REPS2: variants seen among roughly 807,000 people sequenced by gnomAD.
REPS2 encodes RALBP1 associated Eps domain containing 2.
In REPS2, 23 loss-of-function variants were observed where a neutral mutation model predicts 53.6. That is an observed-to-expected ratio of 0.43 (90% confidence interval 0.31 to 0.61). The LOEUF is 0.61. REPS2 is among the 20% of genes least tolerant of loss of function. The probability of loss-of-function intolerance (pLI) is 0.11; values close to 1 mark genes in which losing one functional copy is unlikely to be tolerated. For missense variants in REPS2, 446 were observed against 534.9 expected (o/e 0.83, Z 1.64); for synonymous variants, 238 against 218.6 (o/e 1.09, Z -0.78).
rs1463291706 is a variant in REPS2, at chrX:17,037,168, CCTTAACTTTTGAGGAAGGATTTCTAGCT to C, written c.771+7557_771+7584del. Among the ~76,000 whole-genome samples, 39 of 111,434 alleles carry C rather than the reference CCTTAACTTTTGAGGAAGGATTTCTAGCT, an allele frequency of 3.5e-4. 1 individual carries two copies. The highest frequency in any genetic ancestry group is 1.3e-4 in the Non-Finnish European group (7 of 53,122). On this transcript the variant is annotated intron_variant, in intron 5 of 17. Transcript: ENST00000357277. ...GTAGTTCTCTTTCTGATTTTCTAGCCCTTAACTTTTGAGGAAGGATTTCTAGCTCTTAACTTTTGGGGAAGGAAACATT... is the reference window on the plus strand; with the variant it reads ...GTAGTTCTCTTTCTGATTTTCTAGCCCTTAACTTTTGGGGAAGGAAACATT...
chrX:17,048,219 C>T (rs956822596), intron 6 of REPS2, among the ~76,000 whole-genome samples: 4 of 112,359 alleles, frequency 3.6e-5, no homozygotes, highest in African/African-American at 1.3e-4. Context: ...GAAGTGTGGG[C>T]AAAGATTAGT....
intron 11 of REPS2, among the ~76,000 whole-genome samples, chrX:17,070,555 T>C (rs2062291055): frequency 8.9e-6 from 1 of 112,118 alleles, no homozygotes; most frequent in South Asian, 3.7e-4. Flanking sequence ...TGTCCGCAGC[T>C]CTCTGTTGAT....
intron 9 of REPS2, among the ~76,000 whole-genome samples, chrX:17,066,593 T>C (rs1602895112): frequency 8.9e-6 from 1 of 112,395 alleles, no homozygotes; most frequent in East Asian, 2.8e-4. Context: ...GAAAATTATA[T>C]CTGGATACTT....
chrX:17,168,222 A>G, the REPS2 span, among the ~76,000 whole-genome samples: 101 of 111,850 alleles, frequency 9.0e-4, 1 homozygote, highest in African/African-American at 3.1e-3. Context: ...CTCTCAACCA[A>G]TAGAAGGTAG....
chrX:17,189,951 T>C, the REPS2 span, among the ~76,000 whole-genome samples: 1 of 112,319 alleles, frequency 8.9e-6, no homozygotes, highest in East Asian at 2.8e-4. Flanking sequence ...AAATGTTTTC[T>C]TGTTGTAAGA....
chrX:17,179,649 A>C, the REPS2 span, among the ~76,000 whole-genome samples: 1 of 112,126 alleles, frequency 8.9e-6, no homozygotes, highest in African/African-American at 3.2e-5. Flanking sequence ...TTTAACAATA[A>C]ACTTTAATAA....
chrX:16,961,012 T>A (rs758493851), intron 1 of REPS2, among the ~76,000 whole-genome samples: 1 of 112,198 alleles, frequency 8.9e-6, no homozygotes, highest in Middle Eastern at 4.6e-3. Flanking sequence ...TAGTGTTAAA[T>A]TGTCCACACT....
chrX:17,051,830 T>C (rs545279375), intron 6 of REPS2, among the ~76,000 whole-genome samples: 2 of 112,139 alleles, frequency 1.8e-5, no homozygotes, highest in African/African-American at 6.5e-5. Context: ...GTGGAATGAT[T>C]GCCTGATTTC....
downstream of REPS2, among the ~76,000 whole-genome samples, chrX:17,156,026 G>A (rs756636411): frequency 5.5e-4 from 61 of 111,845 alleles, no homozygotes; most frequent in African/African-American, 1.9e-3. Context: ...AAACACTTTT[G>A]AAAAATTACC....
rs571900993 is a variant in REPS2, at chrX:17,095,437, A to G, written c.1517-8281A>G. On this transcript the variant is annotated intron_variant, in intron 13 of 17. Coordinates refer to ENST00000357277, the MANE Select transcript of REPS2 (RefSeq NM_004726.3). Reference sequence around the variant, plus strand: ...TGGTGCCTTCCCTGAAAAGAAAACTATATCTAGCATTTTGCTGGAGTGAGA... The same window carrying G: ...TGGTGCCTTCCCTGAAAAGAAAACTGTATCTAGCATTTTGCTGGAGTGAGA... Among the ~76,000 whole-genome samples, 44 of 110,863 alleles carry G rather than the reference A, an allele frequency of 4.0e-4. No homozygotes were observed. The South Asian group carries it at 0.017, about 43-fold the overall frequency.
At chrX:17,102,858 A>G (rs747774417) in intron 13 of REPS2, among the ~76,000 whole-genome samples, 101 of 112,802 alleles carry the variant, frequency 9.0e-4, no homozygotes, top group Admixed American at 1.4e-3. Flanking sequence ...TAAACTACAT[A>G]TAGTTATTTG....
chrX:17,184,374 C>T, the REPS2 span, among the ~76,000 whole-genome samples: 2 of 106,227 alleles, frequency 1.9e-5, no homozygotes, highest in African/African-American at 3.4e-5. Context: ...TTTTTTATGG[C>T]TGCATAGTAT....
rs777500351 is a variant in REPS2 at position 17,094,964 on chromosome X, T to TA, written c.1517-8753dup. On this transcript the variant is annotated intron_variant, in intron 13 of 17. Coordinates refer to ENST00000357277, the MANE Select transcript of REPS2 (RefSeq NM_004726.3). ...ATAAACTTAATGATCATTCTGATGA[T>TA]ATTAATAATATATATTTTAACGTTT... 3.6e-5 allele frequency among the ~76,000 whole-genome samples: 4 copies of TA among 111,902 alleles called. No homozygotes were observed. In the East Asian group the frequency reaches 1.1e-3, roughly 31 times the overall value.
chrX:17,184,599 G>A, the REPS2 span, among the ~76,000 whole-genome samples: 5 of 109,293 alleles, frequency 4.6e-5, no homozygotes, highest in East Asian at 2.9e-4. Flanking sequence ...CTGAGGAATC[G>A]CCACACTGAC....
intron 2 of REPS2, among the ~76,000 whole-genome samples, chrX:17,009,822 T>C (rs1322829621): frequency 9.0e-6 from 1 of 110,981 alleles, no homozygotes; most frequent in Non-Finnish European, 1.9e-5. Context: ...TTGTAAAACA[T>C]TCAAAGTCCC....
intron 1 of REPS2, among the ~76,000 whole-genome samples, chrX:16,948,674 T>A (rs1409306878): frequency 8.9e-6 from 1 of 112,057 alleles, no homozygotes; most frequent in Admixed American, 9.5e-5. Flanking sequence ...GGTTGATGCC[T>A]CTTTAGGAAT....
intron 5 of REPS2, among the ~76,000 whole-genome samples, chrX:17,044,200 T>C (rs2061872982): frequency 9.0e-6 from 1 of 110,883 alleles, no homozygotes; most frequent in Admixed American, 9.6e-5. Context: ...AGAAAGCAGA[T>C]GGTTATGGCA....
At chrX:17,163,207 TGAAAAGTACCAGAGGG>T in the REPS2 span, among the ~76,000 whole-genome samples, 1 of 111,602 alleles carries the variant, frequency 9.0e-6, no homozygotes, top group Middle Eastern at 4.6e-3. Context: ...AATTCAGGGT[TGAAAAGTACCAGAGGG>T]GAAAAACAGC....
chrX:17,189,987 CTATT>C, the REPS2 span, among the ~76,000 whole-genome samples: 2 of 111,920 alleles, frequency 1.8e-5, no homozygotes, highest in Admixed American at 1.9e-4. Flanking sequence ...AATATTGGGG[CTATT>C]TGTTACCACA....
Sources: gnomAD v4.1 joint callset for allele counts (sites outside exome capture counted in the v4.1 genomes callset) on GRCh38, gnomAD v4.1.1 for gene constraint, MANE v1.5 for transcripts, NCBI Gene and HGNC (gene_info 2026-07-23, HGNC 2026-07-21) for gene names.